Variants in TSHZ2 observed in about 807,000 individuals in gnomAD.
The protein encoded by TSHZ2 is teashirt homolog 2.
Under a neutral mutation model 74.4 loss-of-function variants are expected in TSHZ2, and 21 were observed. The ratio of observed to expected loss-of-function variants is 0.28; its 90% confidence interval spans 0.20 to 0.41. The LOEUF (loss-of-function observed/expected upper bound fraction) is 0.41. Ranked by LOEUF, TSHZ2 falls within the 10% of genes least tolerant of loss-of-function variation. The pLI, the probability that TSHZ2 is intolerant of heterozygous loss-of-function variation, is 1.00. For missense variants in TSHZ2, 1,244 were observed against 1,293.5 expected (o/e 0.96, Z 0.59); for synonymous variants, 540 against 515.3 (o/e 1.05, Z -0.65).
chr20:53,454,557 G>A (rs1382382650), intron 2 of TSHZ2, among the ~76,000 whole-genome samples: 1 of 148,814 alleles, frequency 6.7e-6, no homozygotes, highest in Non-Finnish European at 1.5e-5. Context: ...GTGAAACTTG[G>A]TCTCAAAAAA....
intron 1 of TSHZ2, among the ~76,000 whole-genome samples, chr20:52,997,264 G>GC (rs201340233): frequency 7.3e-6 from 1 of 136,860 alleles, no homozygotes; most frequent in Non-Finnish European, 1.6e-5. Flanking sequence ...TGCCCCGGGG[G>GC]GGGGTTCAGC....
intron 2 of TSHZ2, among the ~76,000 whole-genome samples, chr20:53,363,243 C>T (rs1210505896): frequency 6.6e-6 from 1 of 152,238 alleles, no homozygotes; most frequent in Non-Finnish European, 1.5e-5. Context: ...ATCACCCTAG[C>T]TGTGCTTCCT....
chr20:53,030,014 T>C (rs753548582), intron 1 of TSHZ2, among the ~76,000 whole-genome samples: 3 of 152,180 alleles, frequency 2.0e-5, no homozygotes, highest in Non-Finnish European at 2.9e-5. Flanking sequence ...TGTTTTAACA[T>C]CTGTGACGCA....
chr20:53,457,963 G>A (rs1355745355), intron 2 of TSHZ2, among the ~76,000 whole-genome samples: 4 of 150,104 alleles, frequency 2.7e-5, no homozygotes, highest in Non-Finnish European at 6.0e-5. Context: ...CGTTTTGCCA[G>A]TATTTTATTG....
Position 53,238,514 on chromosome 20 carries a change from A to G in TSHZ2, c.41-14985A>G, listed in dbSNP as rs570829365. Among the ~76,000 whole-genome samples, 4 of 152,286 alleles carry G rather than the reference A, an allele frequency of 2.6e-5. No homozygotes were observed. In the South Asian group the frequency reaches 8.3e-4, roughly 32 times the overall value. The stretch of plus-strand genomic sequence containing the variant: ...GTTGGCCAAGCTGGTGTTCTGTGCC[A>G]TAGTAAAGCAAAAACAAAACAAAAC... On this transcript the variant is annotated intron_variant, in intron 1 of 2. Coordinates refer to ENST00000371497, the MANE Select transcript of TSHZ2 (RefSeq NM_173485.6).
At chr20:53,387,693 G>T (rs138786638) in intron 2 of TSHZ2, among the ~76,000 whole-genome samples, 2 of 152,232 alleles carry the variant, frequency 1.3e-5, no homozygotes. Context: ...GTTGCCTCTC[G>T]CCTGCAGTTG....
At chr20:53,190,494 C>T (rs951367166) in intron 1 of TSHZ2, among the ~76,000 whole-genome samples, 5 of 152,032 alleles carry the variant, frequency 3.3e-5, no homozygotes, top group African/African-American at 7.2e-5. Context: ...GAGCCCCAAT[C>T]CGTGTGCAGA....
At chr20:53,173,563 GCGCC>G (rs1482815899) in intron 1 of TSHZ2, among the ~76,000 whole-genome samples, 3 of 152,170 alleles carry the variant, frequency 2.0e-5, no homozygotes, top group Non-Finnish European at 2.9e-5. Context: ...AGCCGACGTA[GCGCC>G]ACTGCACTCC....
chr20:53,271,786 C>T (rs1485358034), intron 2 of TSHZ2, among the ~76,000 whole-genome samples: 1 of 152,110 alleles, frequency 6.6e-6, no homozygotes, highest in African/African-American at 2.4e-5. Context: ...GCATGTGGCT[C>T]AGTATGATTG....
intron 2 of TSHZ2, among the ~76,000 whole-genome samples, chr20:53,258,372 G>T (rs1324178973): frequency 6.6e-6 from 1 of 151,968 alleles, no homozygotes; most frequent in Non-Finnish European, 1.5e-5. Context: ...AAAAAAAAGA[G>T]GGGGGGCATA....
At position 53,242,284 on chromosome 20, in the gene TSHZ2, G is replaced by A. The variant is rs940634578; in HGVS notation, c.41-11215G>A. ...ATAGCAACCAAAAATGTCCTCAAAC[G>A]TTGTCCCATGTCCCCTGGGGAACAA... On this transcript the variant is annotated intron_variant, in intron 1 of 2. Coordinates refer to ENST00000371497, the MANE Select transcript of TSHZ2 (RefSeq NM_173485.6). 1.8e-4 allele frequency among the ~76,000 whole-genome samples: 28 copies of A among 152,148 alleles called. 1 individual carries two copies. The East Asian group carries it at 2.3e-3, about 13-fold the overall frequency.
rs193258431 is a variant in TSHZ2, at chr20:53,332,430, G to A, written c.*8+75859G>A. Among the ~76,000 whole-genome samples the A allele has an allele frequency of 3.9e-5, 6 of 152,330 alleles. No homozygotes were observed. In the East Asian group the frequency reaches 1.2e-3, roughly 29 times the overall value. ...GGGAAAAGGCAAGAAGAATGAAAAAGACGATGGCAGAACACAGGGCCTGAT... is the reference window on the plus strand; with the variant it reads ...GGGAAAAGGCAAGAAGAATGAAAAAAACGATGGCAGAACACAGGGCCTGAT... On this transcript the variant is annotated intron_variant, in intron 2 of 2. Coordinates refer to ENST00000371497, the MANE Select transcript of TSHZ2 (RefSeq NM_173485.6).
rs1332801738 is a variant in TSHZ2, at chr20:53,488,994, G to A, written c.*1859G>A. 4.4e-6 allele frequency: 2 copies of A among 456,104 alleles called. No individual in the cohort carries two copies. The highest frequency in any genetic ancestry group is 3.1e-5 in the South Asian group (2 of 64,560). 28.3% of individuals were successfully genotyped at this position (456,104 alleles called of 1,614,324 possible). On this transcript the variant is annotated 3_prime_UTR_variant, in exon 3 of 3. Coordinates refer to ENST00000371497, the MANE Select transcript of TSHZ2 (RefSeq NM_173485.6). ...AAAAAGTAAATGAAGTTCCAGGAAT[G>A]TCATTCTGAAGTAATGAGGCATGGA...
chr20:53,424,200 G>T (rs1364006395), intron 2 of TSHZ2, among the ~76,000 whole-genome samples: 1 of 152,204 alleles, frequency 6.6e-6, no homozygotes, highest in Non-Finnish European at 1.5e-5. Flanking sequence ...GATGTTTGCA[G>T]CATCCCTAGT....
At chr20:53,252,329 C>A (rs371142774) in intron 1 of TSHZ2, among the ~76,000 whole-genome samples, 39 of 152,288 alleles carry the variant, frequency 2.6e-4, no homozygotes, top group African/African-American at 8.9e-4. Flanking sequence ...TTCCCCACGT[C>A]GCTACCTGCC....
chr20:53,324,120 A>G (rs1979396051), intron 2 of TSHZ2, among the ~76,000 whole-genome samples: 1 of 151,748 alleles, frequency 6.6e-6, no homozygotes, highest in Admixed American at 6.6e-5. Flanking sequence ...CACAGCAAAC[A>G]TTTTCTTTTT....
At chr20:53,220,728 C>T (rs541076482) in intron 1 of TSHZ2, among the ~76,000 whole-genome samples, 2 of 152,072 alleles carry the variant, frequency 1.3e-5, no homozygotes, top group Non-Finnish European at 2.9e-5. Flanking sequence ...TCCTGTGGCA[C>T]CTTGTAGGGT....
intron 2 of TSHZ2, among the ~76,000 whole-genome samples, chr20:53,300,018 A>G (rs1472247581): frequency 6.6e-6 from 1 of 152,178 alleles, no homozygotes; most frequent in African/African-American, 2.4e-5. Context: ...CCTGCCAGGG[A>G]CTTATTGCTG....
rs140673850 is a variant in TSHZ2, at chr20:53,370,437, G to A, written c.*8+113866G>A. Among the ~76,000 whole-genome samples, 130 of 152,230 alleles carry A rather than the reference G, an allele frequency of 8.5e-4. 1 individual carries two copies. The East Asian group carries it at 0.015, about 17-fold the overall frequency. ...CATGGTTTTTATGTTAAATCTCTCC[G>A]TTCATAAATATTAGCAACCGCTTTA... On this transcript the variant is annotated intron_variant, in intron 2 of 2. Coordinates refer to ENST00000371497, the MANE Select transcript of TSHZ2 (RefSeq NM_173485.6).
Sources: gnomAD v4.1 joint callset for allele counts (sites outside exome capture counted in the v4.1 genomes callset) on GRCh38, gnomAD v4.1.1 for gene constraint, MANE v1.5 for transcripts, NCBI Gene and HGNC (gene_info 2026-07-23, HGNC 2026-07-21) for gene names.